Variants in KIF6 observed in about 807,000 individuals in gnomAD.
The protein encoded by KIF6 is kinesin-like protein KIF6.
Under a neutral mutation model 112.7 loss-of-function variants are expected in KIF6, and 106 were observed. The observed-to-expected ratio is 0.94, with a 90% confidence interval of 0.80 to 1.11. The LOEUF (loss-of-function observed/expected upper bound fraction) is 1.11, where lower values mean the gene tolerates loss of function less well. Among genes scored for constraint, KIF6 ranks in the 50% least tolerant of loss-of-function variants. The probability of loss-of-function intolerance (pLI) is 0.00; values close to 1 mark genes in which losing one functional copy is unlikely to be tolerated. For synonymous variants in KIF6, 339 were observed against 339.9 expected, an observed-to-expected ratio of 1.00 and a Z score of 0.03; for missense variants, 929 against 964.0, an observed-to-expected ratio of 0.96 and a Z score of 0.48.
chr6:39,684,616 C>CAA (rs58959171), intron 3 of KIF6, among the ~76,000 whole-genome samples: 32,399 of 130,404 alleles, frequency 0.25, 4,500 homozygotes, highest in South Asian at 0.36. Context: ...ACCTCTGTCT[C>CAA]AAAAAAAAAA....
intron 3 of KIF6, among the ~76,000 whole-genome samples, chr6:39,652,933 C>G (rs1785561687): frequency 6.6e-6 from 1 of 152,236 alleles, no homozygotes; most frequent in South Asian, 2.1e-4. Context: ...TCCAGTTAAA[C>G]AGTTGTCTCA....
intron 6 of KIF6, among the ~76,000 whole-genome samples, chr6:39,605,230 G>A (rs774794011): frequency 1.3e-5 from 2 of 152,048 alleles, no homozygotes; most frequent in Non-Finnish European, 2.9e-5. Flanking sequence ...AGAATTATAA[G>A]CTAAATTTAG....
chr6:39,346,049 G>GCTCACTCTCT (rs1554196850), intron 20 of KIF6, among the ~76,000 whole-genome samples: 1 of 28,992 alleles, frequency 3.4e-5, no homozygotes, highest in Non-Finnish European at 6.5e-5. Context: ...AAACTACAGT[G>GCTCACTCTCT]CTCTCTCTCT....
At chr6:39,395,697 C>A (rs1768217197) in intron 15 of KIF6, among the ~76,000 whole-genome samples, 1 of 152,098 alleles carries the variant, frequency 6.6e-6, no homozygotes, top group South Asian at 2.1e-4. Flanking sequence ...CTTAGGAGTA[C>A]CTGGGGGCAT....
chr6:39,557,631 A>C (rs952614466), intron 10 of KIF6, among the ~76,000 whole-genome samples: 1 of 152,124 alleles, frequency 6.6e-6, no homozygotes, highest in Admixed American at 6.5e-5. Context: ...CCAGAAAAAA[A>C]TACATATACA....
intron 18 of KIF6, 120 bp downstream of exon 18, chr6:39,360,275 G>A (rs1765026126): frequency 1.8e-6 from 2 of 1,100,570 alleles, no homozygotes; most frequent in South Asian, 1.6e-5. Flanking sequence ...CCTGCTTCAT[G>A]AGCAGGGGCT....
chr6:39,539,984 G>A lies in KIF6; in HGVS notation c.1645+19C>T. 4 of 1,563,554 alleles carry A rather than the reference G, an allele frequency of 2.6e-6. No individual in the cohort carries two copies. The highest frequency in any genetic ancestry group is 3.5e-6 in the Non-Finnish European group (4 of 1,151,420). On this transcript the variant is annotated intron_variant, in intron 13 of 22. Transcript: ENST00000287152. ...TCCATTACAGACAATGAGAAATACT[G>A]GAAATTTAGTCAACTGACCTATTTT... is the stretch of plus-strand genomic sequence containing the variant.
rs371525510 is a variant in KIF6 at position 39,390,489 on chromosome 6, C to T, written c.1811-4817G>A. ...AGGGCACCTCAGTCTGAGAGAACTG[C>T]TGGGACAATAATGCAGAGGCCAAGT... On this transcript the variant is annotated intron_variant, in intron 15 of 22. Transcript: ENST00000287152. Among the ~76,000 whole-genome samples the T allele has an allele frequency of 1.2e-4, 19 of 152,260 alleles. No individual in the cohort carries two copies. In the East Asian group the frequency reaches 1.5e-3, roughly 12 times the overall value.
chr6:39,480,119 G>C (rs926028344), intron 13 of KIF6, among the ~76,000 whole-genome samples: 1 of 152,146 alleles, frequency 6.6e-6, no homozygotes, highest in Non-Finnish European at 1.5e-5. Context: ...GGGCATCCTT[G>C]TCTTGTTCCA....
chr6:39,667,766 G>T (rs1025658701), intron 3 of KIF6, among the ~76,000 whole-genome samples: 3 of 152,292 alleles, frequency 2.0e-5, no homozygotes, highest in Admixed American at 1.3e-4. Flanking sequence ...TGGGAATTTT[G>T]ATCTTTCAGG....
intron 15 of KIF6, among the ~76,000 whole-genome samples, chr6:39,415,321 A>C (rs1339265292): frequency 6.6e-6 from 1 of 151,334 alleles, no homozygotes; most frequent in Non-Finnish European, 1.5e-5. Flanking sequence ...AAAAAAAAAA[A>C]AAAAGGCCAA....
At chr6:39,725,123 C>T (rs1007807681) in intron 1 of KIF6, 122 bp downstream of exon 1, 2 of 694,938 alleles carry the variant, frequency 2.9e-6, no homozygotes, top group African/African-American at 3.8e-5. Flanking sequence ...GTGCGGGATT[C>T]CGGGCGGCCT....
intron 3 of KIF6, among the ~76,000 whole-genome samples, chr6:39,677,661 T>A (rs1787238050): frequency 7.6e-6 from 1 of 132,324 alleles, no homozygotes; most frequent in African/African-American, 3.0e-5. Context: ...TAGGTATATC[T>A]CCCAATGCTA....
chr6:39,565,899 A>C (rs936984095), intron 10 of KIF6, among the ~76,000 whole-genome samples: 2 of 152,224 alleles, frequency 1.3e-5, no homozygotes, highest in African/African-American at 4.8e-5. Flanking sequence ...AATAAACACA[A>C]CTAGGCAGTA....
chr6:39,376,558 T>C (rs2150296245), intron 16 of KIF6, among the ~76,000 whole-genome samples: 1 of 152,238 alleles, frequency 6.6e-6, no homozygotes, highest in East Asian at 1.9e-4. Context: ...ATGTGATGCC[T>C]AAGTTTCACT....
At chr6:39,402,300 G>T (rs1768766083) in intron 15 of KIF6, among the ~76,000 whole-genome samples, 1 of 152,142 alleles carries the variant, frequency 6.6e-6, no homozygotes. Flanking sequence ...CCGTTTCGAG[G>T]ACTCATCCTA....
intron 3 of KIF6, among the ~76,000 whole-genome samples, chr6:39,704,944 C>T (rs1789108743): frequency 1.3e-5 from 2 of 152,182 alleles, no homozygotes; most frequent in Non-Finnish European, 2.9e-5. Flanking sequence ...TGACATAGGT[C>T]TCATGTATAT....
At chr6:39,413,127 T>G (rs940031128) in intron 15 of KIF6, among the ~76,000 whole-genome samples, 1 of 152,202 alleles carries the variant, frequency 6.6e-6, no homozygotes. Flanking sequence ...GTCTTAATTT[T>G]CCTATAATCC....
At chr6:39,416,347 A>T (rs1477201717) in intron 15 of KIF6, among the ~76,000 whole-genome samples, 1 of 152,238 alleles carries the variant, frequency 6.6e-6, no homozygotes, top group East Asian at 1.9e-4. Context: ...TTTTGGAGAC[A>T]TGACAGATGG....
Sources: allele counts gnomAD v4.1 joint callset (sites outside exome capture counted in the v4.1 genomes callset), GRCh38; gene constraint gnomAD v4.1.1; transcripts MANE v1.5; gene names NCBI Gene and HGNC (gene_info 2026-07-23, HGNC 2026-07-21).